Variants in ATP13A5 observed in about 807,000 individuals in gnomAD.
The protein encoded by ATP13A5 is probable cation-transporting ATPase 13A5.
Under a neutral mutation model 150.2 loss-of-function variants are expected in ATP13A5, and 149 were observed. The ratio of observed to expected loss-of-function variants is 0.99; its 90% confidence interval spans 0.87 to 1.14. The LOEUF is 1.14. Among genes scored for constraint, ATP13A5 ranks in the 50% most tolerant of loss-of-function variants. The pLI is 0.00. For synonymous variants in ATP13A5, 497 were observed against 522.2 expected, an observed-to-expected ratio of 0.95 and a Z score of 0.66; for missense variants, 1,383 against 1,449.3, an observed-to-expected ratio of 0.95 and a Z score of 0.74.
intron 7 of ATP13A5, among the ~76,000 whole-genome samples, chr3:193,349,208 A>T (rs1168170722): frequency 6.6e-6 from 1 of 152,166 alleles, no homozygotes. Context: ...GTACCCTTTT[A>T]TTAGTAAATA....
chr3:193,360,642 G>A (rs547586615), intron 5 of ATP13A5, among the ~76,000 whole-genome samples: 5 of 152,116 alleles, frequency 3.3e-5, no homozygotes, highest in African/African-American at 4.8e-5. Flanking sequence ...GATACTCTTT[G>A]TCTTGCTTAT....
rs151108759 is a variant in ATP13A5, at chr3:193,350,440, T to C, written c.741+627A>G. ...ATTTAATAAGCCAGAAGCTCAAAAA[T>C]GTCAAGGAATTCTCTTGCTGAAACA... On this transcript the variant is annotated intron_variant, in intron 7 of 29. Transcript: ENST00000342358. 1.0e-3 allele frequency among the ~76,000 whole-genome samples: 152 copies of C among 152,242 alleles called. No individual in the cohort carries two copies. In the East Asian group the frequency reaches 0.025, roughly 25 times the overall value.
At chr3:193,372,969 C>A (rs1327390671) in intron 1 of ATP13A5, among the ~76,000 whole-genome samples, 6 of 152,140 alleles carry the variant, frequency 3.9e-5, no homozygotes, top group African/African-American at 1.4e-4. Context: ...TGACTGAAAA[C>A]AGGAGAGAGC....
At chr3:193,352,441 T>A (rs1712598764) in intron 6 of ATP13A5, among the ~76,000 whole-genome samples, 1 of 152,122 alleles carries the variant, frequency 6.6e-6, no homozygotes, top group Non-Finnish European at 1.5e-5. Flanking sequence ...TTAATTCAGT[T>A]CTCTTATTTA....
intron 5 of ATP13A5, among the ~76,000 whole-genome samples, chr3:193,361,090 G>T (rs1712989107): frequency 6.6e-6 from 1 of 152,192 alleles, no homozygotes; most frequent in Non-Finnish European, 1.5e-5. Flanking sequence ...TGTGGAAGTG[G>T]TTACCTAGGC....
At chr3:193,375,355 T>C (rs1172151318) in intron 1 of ATP13A5, among the ~76,000 whole-genome samples, 1 of 152,188 alleles carries the variant, frequency 6.6e-6, no homozygotes, top group African/African-American at 2.4e-5. Flanking sequence ...TTCCATTAAG[T>C]ATGGAGCTAT....
intron 5 of ATP13A5, among the ~76,000 whole-genome samples, chr3:193,357,004 C>T (rs1043521202): frequency 6.6e-6 from 1 of 151,988 alleles, no homozygotes; most frequent in African/African-American, 2.4e-5. Flanking sequence ...TTAGTAGACA[C>T]GGGGTTTCAC....
intron 9 of ATP13A5, among the ~76,000 whole-genome samples, chr3:193,338,760 G>A (rs1444418122): frequency 6.6e-6 from 1 of 152,274 alleles, no homozygotes; most frequent in East Asian, 1.9e-4. Context: ...AAATGAGTTA[G>A]GGAGGATTCC....
At chr3:193,321,637 A>G (rs369602781) in intron 16 of ATP13A5, 44 bp downstream of exon 16, 2 of 1,602,428 alleles carry the variant, frequency 1.2e-6, no homozygotes, top group East Asian at 2.2e-5. Context: ...TCTCAAAGAA[A>G]AAACAAAAGT....
intron 1 of ATP13A5, among the ~76,000 whole-genome samples, chr3:193,366,451 C>T (rs1713241435): frequency 6.6e-6 from 1 of 151,892 alleles, no homozygotes; most frequent in South Asian, 2.1e-4. Flanking sequence ...CGCTGTATTA[C>T]TATCACACAA....
At chr3:193,345,546 C>G (rs1447516005) in intron 7 of ATP13A5, among the ~76,000 whole-genome samples, 1 of 152,094 alleles carries the variant, frequency 6.6e-6, no homozygotes, top group African/African-American at 2.4e-5. Context: ...ACAGAAACAG[C>G]TGGATTGGTT....
rs145122059 is a variant in ATP13A5, at chr3:193,337,765, G to A, written c.944-2666C>T. Among the ~76,000 whole-genome samples, 872 of 152,256 alleles carry A rather than the reference G, an allele frequency of 5.7e-3. 11 individuals carry two copies. Among genetic ancestry groups the A allele is most frequent in the Non-Finnish European group, 0.011 (739 of 68,018 alleles). On this transcript the variant is annotated intron_variant, in intron 9 of 29. Coordinates refer to ENST00000342358, the MANE Select transcript of ATP13A5 (RefSeq NM_198505.4). ...TTAAAGTAGTTTTTTCCAATTCTGTGTAGAAAGTCATTGGTAGCTTGATGG... is the reference window on the plus strand; with the variant it reads ...TTAAAGTAGTTTTTTCCAATTCTGTATAGAAAGTCATTGGTAGCTTGATGG...
intron 9 of ATP13A5, among the ~76,000 whole-genome samples, chr3:193,341,797 T>C (rs1330706597): frequency 6.6e-6 from 1 of 152,152 alleles, no homozygotes; most frequent in Non-Finnish European, 1.5e-5. Flanking sequence ...AGTTATAAAA[T>C]AAAGGTAAAC....
At chr3:193,302,440 T>C (rs1362468252) in intron 23 of ATP13A5, among the ~76,000 whole-genome samples, 1 of 151,962 alleles carries the variant, frequency 6.6e-6, no homozygotes, top group East Asian at 1.9e-4. Context: ...GATTTCATTG[T>C]TTTTTTCTGC....
intron 12 of ATP13A5, 57 bp downstream of exon 12, chr3:193,331,066 C>G: frequency 2.6e-6 from 4 of 1,540,418 alleles, no homozygotes; most frequent in Non-Finnish European, 3.5e-6. Flanking sequence ...GAGGTTCTTC[C>G]CAGCTCCACC....
chr3:193,376,302 T>C lies in ATP13A5; in HGVS notation c.63+2361A>G, dbSNP rs144736301. Among the ~76,000 whole-genome samples the C allele has an allele frequency of 4.0e-3, 608 of 152,330 alleles. 4 individuals carry two copies. Among genetic ancestry groups the C allele is most frequent in the African/African-American group, 0.013 (557 of 41,564 alleles). On this transcript the variant is annotated intron_variant, in intron 1 of 29. Coordinates refer to ENST00000342358, the MANE Select transcript of ATP13A5 (RefSeq NM_198505.4). ...ATCCAGTGTCTGATGAGGACCCTCC[T>C]TCTGGTGCATAGACTGCCATCTTTT...
chr3:193,366,732 A>G (rs764863348), intron 1 of ATP13A5, among the ~76,000 whole-genome samples: 9 of 152,094 alleles, frequency 5.9e-5, no homozygotes, highest in Non-Finnish European at 1.2e-4. Flanking sequence ...GAACACCTCC[A>G]CTAGCTACAT....
intron 25 of ATP13A5, among the ~76,000 whole-genome samples, chr3:193,290,307 T>C (rs1405464791): frequency 6.6e-6 from 1 of 152,084 alleles, no homozygotes; most frequent in Non-Finnish European, 1.5e-5. Flanking sequence ...AATTAATATA[T>C]TTACCATATC....
intron 29 of ATP13A5, among the ~76,000 whole-genome samples, chr3:193,275,619 A>C (rs536762334): frequency 6.6e-6 from 1 of 152,340 alleles, no homozygotes; most frequent in East Asian, 1.9e-4. Context: ...CTCAAAATGA[A>C]GAAAAGAAAA....
Sources: gnomAD v4.1 joint callset for allele counts (sites outside exome capture counted in the v4.1 genomes callset) on GRCh38, gnomAD v4.1.1 for gene constraint, MANE v1.5 for transcripts, NCBI Gene and HGNC (gene_info 2026-07-23, HGNC 2026-07-21) for gene names.